The following EIF4G3 variants were observed in gnomAD, a reference collection of about 807,000 sequenced individuals.
EIF4G3 encodes the protein eIF-4-gamma 3.
EIF4G3 carries 34 observed loss-of-function variants against 186.4 expected under a neutral mutation model. The ratio of observed to expected loss-of-function variants is 0.18; its 90% CI spans 0.14 to 0.24. The LOEUF is 0.24. EIF4G3 is among the 10% of genes least tolerant of loss of function. The pLI is 1.00. For missense variants in EIF4G3, 1,536 were observed against 1,948.5 expected, an observed-to-expected ratio of 0.79 and a Z score of 3.99; for synonymous variants, 673 against 679.5, an observed-to-expected ratio of 0.99 and a Z score of 0.15.
At chr1:20,829,009 C>A in intron 31 of EIF4G3, 138 bp downstream of exon 31, 1 of 890,350 alleles carries the variant, frequency 1.1e-6, no homozygotes, top group South Asian at 1.8e-5. Context: ...ACACTGAAAT[C>A]AGAAGTCTTA....
At chr1:20,838,916 A>G (rs1258139528) in intron 30 of EIF4G3, among the ~76,000 whole-genome samples, 2 of 152,298 alleles carry the variant, frequency 1.3e-5, no homozygotes, top group South Asian at 2.1e-4. Flanking sequence ...GGCTCAAGCA[A>G]TCTTCCTGCC....
chr1:20,995,136 A>G (rs2082010816), intron 7 of EIF4G3, among the ~76,000 whole-genome samples: 1 of 152,238 alleles, frequency 6.6e-6, no homozygotes, highest in Non-Finnish European at 1.5e-5. Context: ...TGTACCACAT[A>G]ACTTTAAAGC....
chr1:21,009,779 C>T (rs1365800417), intron 4 of EIF4G3, among the ~76,000 whole-genome samples: 1 of 152,044 alleles, frequency 6.6e-6, no homozygotes, highest in African/African-American at 2.4e-5. Flanking sequence ...CTCAGCCTCC[C>T]AAGTAGCTGG....
At chr1:20,969,390 C>T in intron 12 of EIF4G3, 84 bp downstream of exon 12, 2 of 1,504,668 alleles carry the variant, frequency 1.3e-6, no homozygotes, top group African/African-American at 1.4e-5. Flanking sequence ...ATGAAAAGTA[C>T]AGAAAGTGGC....
At chr1:21,118,798 AAAAG>A (rs1045591497) in intron 2 of EIF4G3, among the ~76,000 whole-genome samples, 8 of 151,616 alleles carry the variant, frequency 5.3e-5, no homozygotes, top group Admixed American at 2.0e-4. Flanking sequence ...AAAAAAAAAA[AAAAG>A]AAACAGAAAT....
At chr1:20,835,663 G>A (rs2066532045) in intron 30 of EIF4G3, among the ~76,000 whole-genome samples, 1 of 152,148 alleles carries the variant, frequency 6.6e-6, no homozygotes, top group Non-Finnish European at 1.5e-5. Context: ...ATCATGGCCA[G>A]GTGCACTGCC....
At chr1:21,011,568 G>A (rs1318537637) in intron 4 of EIF4G3, among the ~76,000 whole-genome samples, 4 of 152,114 alleles carry the variant, frequency 2.6e-5, no homozygotes, top group Non-Finnish European at 4.4e-5. Context: ...TTTATCACAT[G>A]TATAAATTCA....
intron 29 of EIF4G3, among the ~76,000 whole-genome samples, chr1:20,844,079 C>T (rs2069767886): frequency 6.6e-6 from 1 of 152,122 alleles, no homozygotes; most frequent in Admixed American, 6.6e-5. Flanking sequence ...AGGTTGATTG[C>T]ATGTTTTTGC....
chr1:20,970,567 C>T (rs1354586854), intron 11 of EIF4G3, among the ~76,000 whole-genome samples: 2 of 151,964 alleles, frequency 1.3e-5, no homozygotes, highest in Non-Finnish European at 2.9e-5. Context: ...GAGCCAAGAT[C>T]GCGCCACTGC....
intron 4 of EIF4G3, among the ~76,000 whole-genome samples, chr1:21,021,617 G>T (rs896099626): frequency 6.6e-6 from 1 of 152,034 alleles, no homozygotes; most frequent in East Asian, 1.9e-4. Flanking sequence ...GTGCAGGGGT[G>T]CAATCTCGGC....
At chr1:20,904,497 C>T (rs2091464647) in intron 15 of EIF4G3, among the ~76,000 whole-genome samples, 1 of 152,088 alleles carries the variant, frequency 6.6e-6, no homozygotes, top group Non-Finnish European at 1.5e-5. Flanking sequence ...AGGTATGCGC[C>T]ACCATGTGTG....
At chr1:21,007,305 G>A (rs191746741) in intron 4 of EIF4G3, among the ~76,000 whole-genome samples, 8 of 152,028 alleles carry the variant, frequency 5.3e-5, no homozygotes, top group African/African-American at 1.9e-4. Context: ...GGCTGAGGCA[G>A]GAGAATTGCT....
intron 3 of EIF4G3, among the ~76,000 whole-genome samples, chr1:21,063,794 C>T (rs1238726831): frequency 1.3e-5 from 2 of 151,534 alleles, no homozygotes; most frequent in African/African-American, 4.8e-5. Flanking sequence ...ACTGCAACCT[C>T]CGCCTCCCGG....
intron 14 of EIF4G3, among the ~76,000 whole-genome samples, chr1:20,916,555 A>G (rs967420327): frequency 1.3e-5 from 2 of 152,196 alleles, no homozygotes; most frequent in African/African-American, 4.8e-5. Context: ...GTGTCAATGC[A>G]AATCAAATTT....
intron 18 of EIF4G3, chr1:20,892,754 G>T: frequency 4.2e-6 from 6 of 1,435,272 alleles, no homozygotes; most frequent in Non-Finnish European, 5.7e-6. Flanking sequence ...ACAAAGACAT[G>T]ATCATTAGCT....
At chr1:20,879,602 AAT>A (rs2081748030) in intron 19 of EIF4G3, 82 bp from the exon 20 acceptor site, 2 of 836,802 alleles carry the variant, frequency 2.4e-6, no homozygotes, top group Non-Finnish European at 3.4e-6. Flanking sequence ...TTTTAAAAAT[AAT>A]ATATAAGTTC....
intron 27 of EIF4G3, among the ~76,000 whole-genome samples, chr1:20,852,094 T>C (rs72652926): frequency 0.51 from 78,149 of 152,082 alleles, 20,958 homozygotes; most frequent in East Asian, 0.83. Flanking sequence ...TTGCCCAGGC[T>C]GGAGTGCAAT....
intron 33 of EIF4G3, among the ~76,000 whole-genome samples, chr1:20,822,466 A>G (rs1410619964): frequency 6.9e-6 from 1 of 145,662 alleles, no homozygotes; most frequent in Non-Finnish European, 1.5e-5. Context: ...CTGGAGAACC[A>G]GCTTTTGATT....
chr1:21,055,403 T>G (rs1488360079), intron 3 of EIF4G3, among the ~76,000 whole-genome samples: 1 of 152,082 alleles, frequency 6.6e-6, no homozygotes, highest in Non-Finnish European at 1.5e-5. Context: ...CCATGACAAT[T>G]AAATCATAGT....
Sources: allele counts gnomAD v4.1 joint callset (sites outside exome capture counted in the v4.1 genomes callset), GRCh38; gene constraint gnomAD v4.1.1; transcripts MANE v1.5; gene names NCBI Gene and HGNC (gene_info 2026-07-23, HGNC 2026-07-21).